Variants in NR6A1 observed in about 807,000 individuals in gnomAD.
The protein encoded by NR6A1 is retinoic acid receptor-related testis-associated receptor.
Under a neutral mutation model 59.1 loss-of-function variants are expected in NR6A1, and 7 were observed. The ratio of observed to expected loss-of-function variants is 0.12; its 90% confidence interval spans 0.07 to 0.22. The LOEUF is 0.22. Ranked by LOEUF, NR6A1 falls within the 10% of genes least tolerant of loss-of-function variation. The probability of loss-of-function intolerance (pLI) is 1.00; values close to 1 mark genes in which losing one functional copy is unlikely to be tolerated. For synonymous variants in NR6A1, 243 were observed against 236.1 expected, an observed-to-expected ratio of 1.03 and a Z score of -0.27; for missense variants, 468 against 611.6, an observed-to-expected ratio of 0.77 and a Z score of 2.48.
Position 124,732,854 on chromosome 9 carries a change from G to A in NR6A1, c.142+454C>T, listed in dbSNP as rs559353133. Reference sequence around the variant, plus strand: ...TGGGACTACAGGCACCCGCCACCACGCCCGGCTGATTTTTGTATTTTTGGT... The same window carrying A: ...TGGGACTACAGGCACCCGCCACCACACCCGGCTGATTTTTGTATTTTTGGT... On this transcript the variant is annotated intron_variant, in intron 2 of 9. Transcript: ENST00000487099. 8.2e-4 allele frequency among the ~76,000 whole-genome samples: 124 copies of A among 152,102 alleles called. 3 individuals are homozygous for A. Among genetic ancestry groups the A allele is most frequent in the Non-Finnish European group, 5.1e-4 (35 of 67,990 alleles).
chr9:124,565,978 T>C (rs959763651), intron 2 of NR6A1, among the ~76,000 whole-genome samples: 6 of 152,236 alleles, frequency 3.9e-5, no homozygotes, highest in African/African-American at 7.2e-5. Context: ...AAAATGCATA[T>C]ACATGCCTAT....
intron 2 of NR6A1, among the ~76,000 whole-genome samples, chr9:124,596,067 A>G (rs1032949902): frequency 2.0e-5 from 3 of 152,238 alleles, no homozygotes; most frequent in Admixed American, 1.3e-4. Flanking sequence ...CTATTATGGG[A>G]ACCATTTCAT....
rs546066187 is a variant in NR6A1 at position 124,612,859 on chromosome 9, T to C, written c.143-58289A>G. 6.6e-5 allele frequency among the ~76,000 whole-genome samples: 10 copies of C among 151,590 alleles called. No individual in the cohort carries two copies. In the South Asian group the frequency reaches 2.1e-3, roughly 32 times the overall value. On this transcript the variant is annotated intron_variant, in intron 2 of 9. Coordinates refer to ENST00000487099, the MANE Select transcript of NR6A1 (RefSeq NM_033334.4). The stretch of plus-strand genomic sequence containing the variant: ...CACATCTTCCATCACACAACCATTA[T>C]ACAAATTGGTACAACATTTTGAGAG...
rs749996827 is a variant in NR6A1, at chr9:124,519,025, T to A, written c.*3680A>T. ...GGTTTGTCTGTCTCCATCAGTCCCA[T>A]TCCCCCAGGAAATCAAGAACAAACA... On this transcript the variant is annotated 3_prime_UTR_variant, in exon 10 of 10. Coordinates refer to ENST00000487099, the MANE Select transcript of NR6A1 (RefSeq NM_033334.4). The A allele has an allele frequency of 6.6e-6, 1 of 152,156 alleles. No homozygotes were observed. The highest frequency in any genetic ancestry group is 1.5e-5 in the Non-Finnish European group (1 of 68,074). 9.4% of individuals were successfully genotyped at this position (152,156 alleles called of 1,614,324 possible).
In NR6A1 at chr9:124,664,920, C is replaced by T. The variant is rs1246477894; in HGVS notation, c.142+68388G>A. Among the ~76,000 whole-genome samples the T allele has an allele frequency of 3.3e-5, 5 of 150,712 alleles. No homozygotes were observed. In the Admixed American group the frequency reaches 3.3e-4, roughly 10 times the overall value. ...AGCGACGGTAGCTCACACCTGTAATCCCAGCACTTTGGGAGGCAAAGCTGG... is the reference window on the plus strand; with the variant it reads ...AGCGACGGTAGCTCACACCTGTAATTCCAGCACTTTGGGAGGCAAAGCTGG... On this transcript the variant is annotated intron_variant, in intron 2 of 9. Coordinates refer to ENST00000487099, the MANE Select transcript of NR6A1 (RefSeq NM_033334.4).
At chr9:124,636,782 G>A (rs1359995379) in intron 2 of NR6A1, among the ~76,000 whole-genome samples, 1 of 152,120 alleles carries the variant, frequency 6.6e-6, no homozygotes, top group Admixed American at 6.5e-5. Context: ...CTACTTGTCT[G>A]TTCTTTGGCC....
At chr9:124,590,720 A>G (rs1042231418) in intron 2 of NR6A1, among the ~76,000 whole-genome samples, 2 of 152,258 alleles carry the variant, frequency 1.3e-5, no homozygotes, top group African/African-American at 2.4e-5. Context: ...GGCAATGATT[A>G]GCATGCTAAC....
chr9:124,566,149 A>G (rs1834232782), intron 2 of NR6A1, among the ~76,000 whole-genome samples: 1 of 152,262 alleles, frequency 6.6e-6, no homozygotes, highest in Non-Finnish European at 1.5e-5. Context: ...AACACAGATG[A>G]CTTGTACAAA....
At chr9:124,535,503 G>A (rs147569214) in intron 7 of NR6A1, among the ~76,000 whole-genome samples, 2,469 of 152,188 alleles carry the variant, frequency 0.016, 59 homozygotes, top group African/African-American at 0.056. Context: ...ACTTGAACCC[G>A]GGAGGCAAGA....
At chr9:124,571,416 T>C (rs1834433913) in intron 2 of NR6A1, among the ~76,000 whole-genome samples, 2 of 152,172 alleles carry the variant, frequency 1.3e-5, no homozygotes, top group South Asian at 2.1e-4. Context: ...CTGCAGTAGA[T>C]ATCTTTCTGG....
intron 2 of NR6A1, among the ~76,000 whole-genome samples, chr9:124,577,989 T>C (rs769035570): frequency 2.6e-5 from 4 of 152,182 alleles, no homozygotes; most frequent in Non-Finnish European, 5.9e-5. Flanking sequence ...CTAAGAACAT[T>C]TGCTAAATGA....
In NR6A1 at chr9:124,535,988, C is replaced by T. The variant is rs183753506; in HGVS notation, c.969G>A (p.Thr323=). The change falls in exon 7 of 10, where the codon ACG becomes ACA. Residue 323 remains threonine, a synonymous_variant. Coordinates refer to ENST00000487099, the MANE Select transcript of NR6A1 (RefSeq NM_033334.4). ...IKDYTCLLSS[T]WQELILLSSL... is the part of the protein sequence containing the mutation. ...AAGACAGCAGGATTAGCTCCTGCCA[C>T]GTAGAGCTCAAGAGGCACGTGTAAT... 5.8e-5 allele frequency: 93 copies of T among 1,614,172 alleles called. No individual in the cohort carries two copies. In the Middle Eastern group the frequency reaches 8.2e-4, roughly 14 times the overall value.
At chr9:124,561,816 G>A (rs1203426641) in intron 2 of NR6A1, among the ~76,000 whole-genome samples, 2 of 152,172 alleles carry the variant, frequency 1.3e-5, no homozygotes, top group Non-Finnish European at 2.9e-5. Flanking sequence ...GGAGGCTGGG[G>A]CAGAAAAATT....
At chr9:124,627,649 G>A (rs1836283317) in intron 2 of NR6A1, among the ~76,000 whole-genome samples, 1 of 152,188 alleles carries the variant, frequency 6.6e-6, no homozygotes, top group Non-Finnish European at 1.5e-5. Flanking sequence ...ACAGCTCACT[G>A]CAGTCTTGAA....
intron 2 of NR6A1, among the ~76,000 whole-genome samples, chr9:124,616,338 G>T (rs1177632961): frequency 6.8e-6 from 1 of 146,374 alleles, no homozygotes; most frequent in Non-Finnish European, 1.5e-5. Context: ...GGGAAGCGGA[G>T]ATTGCAGTGA....
intron 2 of NR6A1, among the ~76,000 whole-genome samples, chr9:124,716,458 G>T (rs1042248245): frequency 6.6e-6 from 1 of 152,042 alleles, no homozygotes; most frequent in South Asian, 2.1e-4. Context: ...TTAATAAATT[G>T]GACTTCATAA....
chr9:124,536,207 C>T, intron 6 of NR6A1, 75 bp from the exon 7 acceptor site: 8 of 1,524,408 alleles, frequency 5.2e-6, no homozygotes, highest in Non-Finnish European at 7.1e-6. Context: ...AGAAGGTAGT[C>T]CCAAGGGCAC....
At chr9:124,678,204 T>A (rs924262102) in intron 2 of NR6A1, among the ~76,000 whole-genome samples, 1 of 152,206 alleles carries the variant, frequency 6.6e-6, no homozygotes, top group African/African-American at 2.4e-5. Flanking sequence ...CATGCTCCCA[T>A]GCCTAGAGGC....
chr9:124,657,370 T>C (rs890735788), intron 2 of NR6A1, among the ~76,000 whole-genome samples: 2 of 152,162 alleles, frequency 1.3e-5, no homozygotes, highest in Middle Eastern at 3.2e-3. Flanking sequence ...GAACTATTGG[T>C]ATGTTTAAGT....
Sources: gnomAD v4.1 joint callset for allele counts (sites outside exome capture counted in the v4.1 genomes callset) on GRCh38, gnomAD v4.1.1 for gene constraint, MANE v1.5 for transcripts, NCBI Gene and HGNC (gene_info 2026-07-23, HGNC 2026-07-21) for gene names.